GCH1: variants seen among roughly 807,000 people sequenced by gnomAD.
GCH1 encodes the protein GTP cyclohydrolase 1, also known as GTP cyclohydrolase I.
A neutral mutation model predicts 25.9 loss-of-function variants in GCH1; 5 were observed. The observed-to-expected ratio is 0.19, with a 90% confidence interval of 0.10 to 0.41. The LOEUF is 0.41. Ranked by LOEUF, GCH1 falls within the 10% of genes least tolerant of loss-of-function variation. GCH1 has a pLI of 1.00. For synonymous variants in GCH1, 159 were observed against 129.6 expected (o/e 1.23, Z -1.54); for missense variants, 261 against 336.5 (o/e 0.78, Z 1.75).
intron 1 of GCH1, among the ~76,000 whole-genome samples, chr14:54,894,962 C>A (rs778930373): frequency 2.8e-4 from 42 of 152,116 alleles, no homozygotes; most frequent in Non-Finnish European, 5.3e-4. Flanking sequence ...ACCTTTCACC[C>A]ATGATATAGG....
At chr14:54,878,060 ATAGG>A (rs1031923892) in intron 1 of GCH1, 2 of 154,428 alleles carry the variant, frequency 1.3e-5, no homozygotes, top group Admixed American at 1.3e-4. Flanking sequence ...ACTCAAATAT[ATAGG>A]TAAATATTTA....
chr14:54,877,253 T>C (rs999204119), intron 1 of GCH1, among the ~76,000 whole-genome samples: 1 of 152,208 alleles, frequency 6.6e-6, no homozygotes, highest in Non-Finnish European at 1.5e-5. Flanking sequence ...AACAGGGATT[T>C]ATGGCATTCT....
At chr14:54,848,863 G>A (rs1309138319) in intron 3 of GCH1, among the ~76,000 whole-genome samples, 1 of 152,094 alleles carries the variant, frequency 6.6e-6, no homozygotes, top group Non-Finnish European at 1.5e-5. Context: ...CTAGATAGGA[G>A]GTATGTCATA....
At position 54,861,594 on chromosome 14, in the gene GCH1, G is replaced by A. The variant is rs1381581979; in HGVS notation, c.454-1858C>T. On this transcript the variant is annotated intron_variant, in intron 2 of 5. Transcript: ENST00000491895. ...AAAAATTAGCCAGGCGTGGTGGCGG[G>A]TGCCTGTAATCCCAGCTATTCGAGA... Among the ~76,000 whole-genome samples, 10 of 152,046 alleles carry A rather than the reference G, an allele frequency of 6.6e-5. No homozygotes were observed. In the East Asian group the frequency reaches 9.7e-4, roughly 15 times the overall value.
chr14:54,871,573 C>T (rs1253571293), intron 1 of GCH1, among the ~76,000 whole-genome samples: 2 of 152,090 alleles, frequency 1.3e-5, no homozygotes, highest in African/African-American at 4.8e-5. Flanking sequence ...AATTTCGAAC[C>T]CATGGCAAAG....
chr14:54,873,318 C>T (rs539792932), intron 1 of GCH1, among the ~76,000 whole-genome samples: 1 of 152,258 alleles, frequency 6.6e-6, no homozygotes, highest in East Asian at 1.9e-4. Context: ...CACAACATAC[C>T]AGACTCTCTG....
chr14:54,873,614 G>C (rs1368384387), intron 1 of GCH1, among the ~76,000 whole-genome samples: 2 of 151,978 alleles, frequency 1.3e-5, no homozygotes, highest in Admixed American at 1.3e-4. Flanking sequence ...TAATAAAGAA[G>C]AAAAGAGAGA....
Position 54,860,513 on chromosome 14 carries a change from A to C in GCH1, c.454-777T>G, listed in dbSNP as rs555890867. On this transcript the variant is annotated intron_variant, in intron 2 of 5. Transcript: ENST00000491895. The stretch of plus-strand genomic sequence containing the variant: ...TTTGTGCTTGGCTTCCTGGTTTCTA[A>C]GCTGCTAGAGAGTGCACCATCTTCC... 4.0e-5 allele frequency among the ~76,000 whole-genome samples: 6 copies of C among 150,256 alleles called. No individual in the cohort carries two copies. In the South Asian group the frequency reaches 1.1e-3, roughly 27 times the overall value.
chr14:54,865,737 G>A (rs1216494662), intron 1 of GCH1, among the ~76,000 whole-genome samples: 1 of 152,078 alleles, frequency 6.6e-6, no homozygotes, highest in African/African-American at 2.4e-5. Context: ...ATAAAACAGT[G>A]GCTATTTCTG....
rs1175581658 is a variant in GCH1, at chr14:54,843,417, C to T, written c.*600G>A. The T allele has an allele frequency of 5.7e-6, 7 of 1,225,652 alleles. No homozygotes were observed. Among genetic ancestry groups the T allele is most frequent in the Non-Finnish European group, 7.1e-6 (7 of 982,190 alleles). 75.9% of individuals were successfully genotyped at this position (1,225,652 alleles called of 1,614,324 possible). A position where few individuals can be genotyped will look rare whatever the true frequency, so the allele number is the denominator to read the frequency against. ...AAAAACAATAGAAGGTAGAAATGTG[C>T]CTTTTTAACTCACAGTAAAATCAAA... On this transcript the variant is annotated 3_prime_UTR_variant, in exon 6 of 6. Coordinates refer to ENST00000491895, the MANE Select transcript of GCH1 (RefSeq NM_000161.3).
In GCH1 at chr14:54,901,635, G is replaced by C. The variant is rs140395506; in HGVS notation, c.343+686C>G. Among the ~76,000 whole-genome samples, 60 of 152,276 alleles carry C rather than the reference G, an allele frequency of 3.9e-4. No individual in the cohort carries two copies. The East Asian group carries it at 0.011, about 28-fold the overall frequency. On this transcript the variant is annotated intron_variant, in intron 1 of 5. Transcript: ENST00000491895. ...CTTTACTGCTTTTTGCGGGGTTGGGGGTGGGGGGAGGAAACAGATTTCAGC... is the reference window on the plus strand; with the variant it reads ...CTTTACTGCTTTTTGCGGGGTTGGGCGTGGGGGGAGGAAACAGATTTCAGC...
chr14:54,852,253 T>A (rs2039742310), intron 3 of GCH1, among the ~76,000 whole-genome samples: 1 of 152,182 alleles, frequency 6.6e-6, no homozygotes, highest in African/African-American at 2.4e-5. Flanking sequence ...GTCAACAAAC[T>A]TCCAAATAAA....
chr14:54,844,524 C>CA (rs1361263756), intron 5 of GCH1, among the ~76,000 whole-genome samples: 4 of 152,348 alleles, frequency 2.6e-5, no homozygotes, highest in African/African-American at 9.6e-5. Flanking sequence ...TCAGAATTCT[C>CA]ACTTGCTCTG....
At chr14:54,868,439 TAAAAAAA>T (rs920960414) in intron 1 of GCH1, among the ~76,000 whole-genome samples, 1 of 144,792 alleles carries the variant, frequency 6.9e-6, no homozygotes, top group Non-Finnish European at 1.5e-5. Flanking sequence ...GTTTAAAAAT[TAAAAAAA>T]AAAATTAAGG....
At chr14:54,868,457 C>A (rs1180988685) in intron 1 of GCH1, among the ~76,000 whole-genome samples, 1 of 151,578 alleles carries the variant, frequency 6.6e-6, no homozygotes, top group Non-Finnish European at 1.5e-5. Flanking sequence ...AAAATTAAGG[C>A]ATCAAAGTCA....
Position 54,879,240 on chromosome 14 carries a change from G to A in GCH1, c.344-13804C>T, listed in dbSNP as rs374608937. Among the ~76,000 whole-genome samples, 239 of 152,040 alleles carry A rather than the reference G, an allele frequency of 1.6e-3. 2 individuals carry two copies. Among genetic ancestry groups the A allele is most frequent in the African/African-American group, 5.5e-3 (227 of 41,478 alleles). Reference sequence around the variant, plus strand: ...GTTCAAAACCAGCCTGGCCAACATAGTGAAAACCCATCTCTTCTAAAAATA... The same window carrying A: ...GTTCAAAACCAGCCTGGCCAACATAATGAAAACCCATCTCTTCTAAAAATA... On this transcript the variant is annotated intron_variant, in intron 1 of 5. Transcript: ENST00000491895.
intron 3 of GCH1, chr14:54,859,143 C>T (rs2039857739): frequency 6.2e-6 from 1 of 161,022 alleles, no homozygotes; most frequent in Non-Finnish European, 1.4e-5. Flanking sequence ...TGCCTGGAGG[C>T]ATCCAGTGCA....
At chr14:54,882,740 T>A (rs1385075776) in intron 1 of GCH1, among the ~76,000 whole-genome samples, 1 of 152,098 alleles carries the variant, frequency 6.6e-6, no homozygotes, top group Admixed American at 6.5e-5. Context: ...TCGTCCCTTA[T>A]CATCCTACAT....
At chr14:54,877,119 A>G (rs968582230) in intron 1 of GCH1, among the ~76,000 whole-genome samples, 1 of 152,246 alleles carries the variant, frequency 6.6e-6, no homozygotes, top group African/African-American at 2.4e-5. Flanking sequence ...TTTCCCTGCT[A>G]TATTTACTTA....
Sources: gnomAD v4.1 joint callset for allele counts (sites outside exome capture counted in the v4.1 genomes callset) on GRCh38, gnomAD v4.1.1 for gene constraint, MANE v1.5 for transcripts, NCBI Gene and HGNC (gene_info 2026-07-23, HGNC 2026-07-21) for gene names.